Variants in UBE4B observed in about 807,000 individuals in gnomAD.
UBE4B encodes the protein ubiquitin conjugation factor E4 B.
A neutral mutation model predicts 148.1 loss-of-function variants in UBE4B; 27 were observed. That is an observed-to-expected ratio of 0.18 (90% CI 0.13 to 0.25). The LOEUF (loss-of-function observed/expected upper bound fraction) is 0.25, where lower values mean the gene tolerates loss of function less well. Among genes scored for constraint, UBE4B ranks in the 10% least tolerant of loss-of-function variants. UBE4B has a pLI of 1.00. For synonymous variants in UBE4B, 596 were observed against 619.3 expected (o/e 0.96, Z 0.56); for missense variants, 1,170 against 1,662.4 (o/e 0.70, Z 5.15).
chr1:10,164,371 A>G (rs1646215747), intron 23 of UBE4B, among the ~76,000 whole-genome samples: 1 of 151,950 alleles, frequency 6.6e-6, no homozygotes, highest in South Asian at 2.1e-4. Context: ...AAAAAGAAAG[A>G]AAGAGTCTTG....
At chr1:10,162,048 G>A (rs115059827) in intron 23 of UBE4B, among the ~76,000 whole-genome samples, 3,077 of 150,654 alleles carry the variant, frequency 0.02, 103 homozygotes, top group African/African-American at 0.07. Context: ...GCCCACGCAG[G>A]AGTACAGTGG....
chr1:10,131,026 C>T (rs1570947148), intron 14 of UBE4B, among the ~76,000 whole-genome samples: 1 of 152,374 alleles, frequency 6.6e-6, no homozygotes, highest in African/African-American at 2.4e-5. Context: ...TGTAGCATCA[C>T]TGGGAACTGG....
Position 10,135,490 on chromosome 1 carries a change from G to T in UBE4B, c.2224+304G>T, listed in dbSNP as rs112410575. ...ATGGTGGCACACGCCTGTAATCCCAGCACTTTGGGAGGCTGAGGTGGGCAG... is the reference window on the plus strand; with the variant it reads ...ATGGTGGCACACGCCTGTAATCCCATCACTTTGGGAGGCTGAGGTGGGCAG... On this transcript the variant is annotated intron_variant, in intron 16 of 27. Transcript: ENST00000343090. 6.9e-3 allele frequency among the ~76,000 whole-genome samples: 1,045 copies of T among 152,174 alleles called. 13 individuals carry two copies. The highest frequency in any genetic ancestry group is 0.024 in the African/African-American group (985 of 41,538).
intron 5 of UBE4B, among the ~76,000 whole-genome samples, chr1:10,105,274 T>C (rs1044848479): frequency 6.6e-6 from 1 of 152,236 alleles, no homozygotes; most frequent in Non-Finnish European, 1.5e-5. Flanking sequence ...CTATATATAC[T>C]TTACCCAGTT....
In UBE4B at chr1:10,126,307, A is replaced by T. The variant is rs544887817; in HGVS notation, c.1555-487A>T. On this transcript the variant is annotated intron_variant, in intron 10 of 27. Transcript: ENST00000343090. ...AGAGCGAGACTCCGTCTCAATATAGATAGATAGATAGATAGATAGATAGAT... is the reference window on the plus strand; with the variant it reads ...AGAGCGAGACTCCGTCTCAATATAGTTAGATAGATAGATAGATAGATAGAT... 6.2e-5 allele frequency among the ~76,000 whole-genome samples: 4 copies of T among 64,710 alleles called. No individual in the cohort carries two copies. In the South Asian group the frequency reaches 2.3e-3, roughly 38 times the overall value. 42.5% of individuals were successfully genotyped at this position (64,710 alleles called of 152,430 possible). A position where few individuals can be genotyped will look rare whatever the true frequency, so the allele number is the denominator to read the frequency against.
chr1:10,068,639 C>T (rs999476440), intron 1 of UBE4B, among the ~76,000 whole-genome samples: 5 of 152,152 alleles, frequency 3.3e-5, no homozygotes, highest in Non-Finnish European at 5.9e-5. Flanking sequence ...GCATGAGCCA[C>T]TGTGCCCGGC....
intron 23 of UBE4B, among the ~76,000 whole-genome samples, chr1:10,164,549 A>G (rs1002782310): frequency 6.6e-6 from 1 of 152,224 alleles, no homozygotes; most frequent in Admixed American, 6.5e-5. Flanking sequence ...GCAGGTCTAT[A>G]GCACATTCTC....
rs1440066323 is a variant in UBE4B at position 10,149,208 on chromosome 1, T to A, written c.2616T>A (p.Asp872Glu). Residue 872 changes from aspartate (D) to glutamate (E), a missense_variant, in exon 20 of 28, where the codon GAT (aspartate) becomes GAA (glutamate). By Grantham distance (45) the Asp-to-Glu change is conservative (BLOSUM62 2). Around this residue, in one of 6 missense-constraint regions of UBE4B, gnomAD observed 348 missense variants for 627.2 expected, o/e 0.55. Transcript: ENST00000343090. ...GTATAACACTGCCTTTAAATTCAGA[T>A]GTCCCCAAGGTATTTGCAGCGTTGC... is the stretch of plus-strand genomic sequence containing the variant. ...YPDITLPLNS[D>E]VPKVFAALPE... The A allele has an allele frequency of 6.2e-7, 1 of 1,605,974 alleles. No homozygotes were observed. Among genetic ancestry groups the A allele is most frequent in the Non-Finnish European group, 8.5e-7 (1 of 1,177,958 alleles).
chr1:10,173,838 C>T (rs562737257), intron 25 of UBE4B, among the ~76,000 whole-genome samples: 5 of 152,320 alleles, frequency 3.3e-5, no homozygotes, highest in African/African-American at 9.6e-5. Flanking sequence ...GGGCACAGCA[C>T]GCCCAGTGAG....
intron 1 of UBE4B, among the ~76,000 whole-genome samples, chr1:10,063,060 G>T (rs1174688873): frequency 6.6e-6 from 1 of 151,918 alleles, no homozygotes; most frequent in Non-Finnish European, 1.5e-5. Context: ...CTGAGGTCAG[G>T]AATTCGAAAC....
At chr1:10,143,809 A>G (rs1645822404) in intron 17 of UBE4B, among the ~76,000 whole-genome samples, 1 of 152,210 alleles carries the variant, frequency 6.6e-6, no homozygotes, top group Non-Finnish European at 1.5e-5. Context: ...ACTTTGAACA[A>G]GGAAGCTGCT....
chr1:10,091,314 A>AG (rs1458987306), intron 2 of UBE4B, among the ~76,000 whole-genome samples: 1 of 152,222 alleles, frequency 6.6e-6, no homozygotes, highest in Non-Finnish European at 1.5e-5. Context: ...CATGAAGACA[A>AG]GGGAGTGTGT....
intron 2 of UBE4B, among the ~76,000 whole-genome samples, chr1:10,086,285 T>G (rs1644766393): frequency 1.3e-5 from 2 of 152,170 alleles, no homozygotes; most frequent in Non-Finnish European, 2.9e-5. Flanking sequence ...TTTTGTATTT[T>G]TTAGCAGAGA....
chr1:10,119,727 G>A (rs1197340769), intron 9 of UBE4B, 114 bp downstream of exon 9: 4 of 805,022 alleles, frequency 5.0e-6, no homozygotes, highest in East Asian at 5.5e-5. Flanking sequence ...TTCCTCACCT[G>A]TAAAATGAAG....
intron 7 of UBE4B, among the ~76,000 whole-genome samples, chr1:10,113,617 G>A (rs868595414): frequency 1.3e-5 from 2 of 152,130 alleles, no homozygotes; most frequent in South Asian, 2.1e-4. Flanking sequence ...AAATGAAGTC[G>A]GATGTATTGC....
intron 22 of UBE4B, among the ~76,000 whole-genome samples, chr1:10,159,212 T>G (rs1646121693): frequency 6.6e-6 from 1 of 152,194 alleles, no homozygotes; most frequent in South Asian, 2.1e-4. Flanking sequence ...TATCATTCTT[T>G]GTGGTAAGGC....
intron 3 of UBE4B, among the ~76,000 whole-genome samples, chr1:10,096,052 T>G (rs1239888166): frequency 6.6e-6 from 1 of 152,220 alleles, no homozygotes; most frequent in African/African-American, 2.4e-5. Context: ...ATTACAGGTA[T>G]GAGCCACTGT....
chr1:10,178,550 T>C, intron 25 of UBE4B, 94 bp from the exon 26 acceptor site: 1 of 1,336,790 alleles, frequency 7.5e-7, no homozygotes, highest in Non-Finnish European at 9.9e-7. Flanking sequence ...TGGGGGAAAA[T>C]CCACAAATGG....
At chr1:10,060,186 G>A (rs985178684) in intron 1 of UBE4B, among the ~76,000 whole-genome samples, 4 of 152,248 alleles carry the variant, frequency 2.6e-5, no homozygotes, top group East Asian at 1.9e-4. Context: ...ACAGGGATAC[G>A]TTCTGAGAAA....
Sources: gnomAD v4.1 joint callset for allele counts (sites outside exome capture counted in the v4.1 genomes callset) on GRCh38, gnomAD v4.1.1 for gene constraint, gnomAD v4.1.1 regional missense constraint, MANE v1.5 for transcripts, NCBI Gene and HGNC (gene_info 2026-07-23, HGNC 2026-07-21) for gene names.